Variants in CCDC144A observed in about 807,000 individuals in gnomAD.
The protein encoded by CCDC144A is coiled-coil domain-containing protein 144A.
In CCDC144A, 41 loss-of-function variants were observed where a neutral mutation model predicts 143.8. The ratio of observed to expected loss-of-function variants is 0.29; its 90% CI spans 0.22 to 0.37. The LOEUF (loss-of-function observed/expected upper bound fraction) is 0.37. CCDC144A is among the 10% of genes least tolerant of loss of function. CCDC144A has a pLI of 1.00. For synonymous variants in CCDC144A, 242 were observed against 517.9 expected (o/e 0.47, Z 7.23); for missense variants, 637 against 1,488.8 (o/e 0.43, Z 9.41).
the CCDC144A span, chr17:16,683,864 G>A: frequency 2.2e-6 from 3 of 1,393,880 alleles, no homozygotes; most frequent in Admixed American, 1.7e-5. Context: ...TTCCTACATG[G>A]GAGACTTCGT....
At chr17:16,700,730 G>T (rs1367532725) in intron 2 of CCDC144A, among the ~76,000 whole-genome samples, 3 of 152,064 alleles carry the variant, frequency 2.0e-5, no homozygotes, top group African/African-American at 7.2e-5. Context: ...TAAATAGCAA[G>T]GCTGCTTACA....
chr17:16,703,767 C>T (rs1042077619), intron 2 of CCDC144A, among the ~76,000 whole-genome samples: 54 of 152,144 alleles, frequency 3.5e-4, no homozygotes, highest in African/African-American at 1.3e-3. Context: ...CGCGCCACTG[C>T]ACTCCAGGCT....
rs1916035616 is a variant in CCDC144A, at chr17:16,777,302, A to G, written c.*3669A>G. 2 of 151,808 alleles carry G rather than the reference A, an allele frequency of 1.3e-5. No individual in the cohort carries two copies. The highest frequency in any genetic ancestry group is 4.9e-5 in the African/African-American group (2 of 41,214). 9.4% of individuals were successfully genotyped at this position (151,808 alleles called of 1,614,324 possible). On this transcript the variant is annotated 3_prime_UTR_variant, in exon 17 of 17. Transcript: ENST00000399273. ...CTCCGCTGGCAGCACTAGGCAGATCACCAAGACAGAAAGTCAACAAAGAAA... is the reference window on the plus strand; with the variant it reads ...CTCCGCTGGCAGCACTAGGCAGATCGCCAAGACAGAAAGTCAACAAAGAAA...
At position 16,714,318 on chromosome 17, in the gene CCDC144A, T is replaced by C. The variant is rs112428017; in HGVS notation, c.1715+2503T>C. ...TTAATTCCAGACTTCTACACCAACC[T>C]GCCTACTTGACATCTCTGTTTGATT... On this transcript the variant is annotated intron_variant, in intron 6 of 16. Transcript: ENST00000399273. Among the ~76,000 whole-genome samples, 174 of 152,340 alleles carry C rather than the reference T, an allele frequency of 1.1e-3. 1 individual carries two copies. In the Middle Eastern group the frequency reaches 0.024, roughly 21 times the overall value.
chr17:16,773,411 G>C, intron 16 of CCDC144A, 86 bp from the exon 17 acceptor site: 1 of 1,479,402 alleles, frequency 6.8e-7, no homozygotes, highest in Non-Finnish European at 9.0e-7. Flanking sequence ...TCACACCATG[G>C]CACTCCAGCA....
upstream of CCDC144A, among the ~76,000 whole-genome samples, chr17:16,688,067 C>T (rs1358757948): frequency 6.6e-6 from 1 of 151,302 alleles, no homozygotes; most frequent in Non-Finnish European, 1.5e-5. Flanking sequence ...TGTAATATTT[C>T]TAATAAATAT....
intron 8 of CCDC144A, among the ~76,000 whole-genome samples, chr17:16,724,260 G>A (rs1231023745): frequency 6.6e-6 from 1 of 151,972 alleles, no homozygotes; most frequent in Non-Finnish European, 1.5e-5. Context: ...ATTGCAGGCC[G>A]GGTGCAGTGG....
Position 16,694,496 on chromosome 17 carries a change from T to G in CCDC144A, c.415+1447T>G, listed in dbSNP as rs1312669194. ...TACTTGGGAGACTGAGATGGGAGGA[T>G]CGCTTGAGCCTGGGAGTCAAGGCTG... On this transcript the variant is annotated intron_variant, in intron 2 of 16. Transcript: ENST00000399273. Among the ~76,000 whole-genome samples, 5 of 152,104 alleles carry G rather than the reference T, an allele frequency of 3.3e-5. No homozygotes were observed. The East Asian group carries it at 9.7e-4, about 29-fold the overall frequency.
rs899868203 is a variant in CCDC144A at position 16,690,731 on chromosome 17, G to C, written c.331G>C (p.Asp111His). 6.2e-7 allele frequency: 1 copy of C among 1,604,776 alleles called. No individual in the cohort carries two copies. The highest frequency in any genetic ancestry group is 8.5e-7 in the Non-Finnish European group (1 of 1,173,058). The change falls in exon 1 of 17, where the codon GAT becomes CAT. Residue 111 changes from aspartate to histidine, a missense_variant. Coordinates refer to ENST00000399273, the MANE Select transcript of CCDC144A (RefSeq NM_001382000.1). ...TGGAGACACTGGCGTGGACAAGAGG[G>C]ATAGGAAGAAGAGGTAATGGCCAGG... The part of the protein sequence containing the change: ...APGDTGVDKR[D>H]RKKSIQQLVP...
chr17:16,669,951 G>C, the CCDC144A span, among the ~76,000 whole-genome samples: 2 of 152,142 alleles, frequency 1.3e-5, no homozygotes, highest in African/African-American at 2.4e-5. Flanking sequence ...GGGAGGCTGA[G>C]GGGGGTGGAT....
chr17:16,770,569 G>A (rs1207868991), intron 15 of CCDC144A, among the ~76,000 whole-genome samples: 1 of 151,886 alleles, frequency 6.6e-6, no homozygotes, highest in Non-Finnish European at 1.5e-5. Flanking sequence ...AATTGGTTTT[G>A]TGACCTCAGG....
intron 15 of CCDC144A, among the ~76,000 whole-genome samples, chr17:16,771,100 C>T (rs1244560921): frequency 6.6e-6 from 1 of 152,076 alleles, no homozygotes; most frequent in Non-Finnish European, 1.5e-5. Flanking sequence ...TGAGAGAATA[C>T]CTATTCTAAA....
chr17:16,703,611 T>A (rs893215227), intron 2 of CCDC144A, among the ~76,000 whole-genome samples: 85 of 152,312 alleles, frequency 5.6e-4, no homozygotes, highest in African/African-American at 2.0e-3. Flanking sequence ...GAGACCATCC[T>A]GGCTAACACG....
chr17:16,731,362 T>C lies in CCDC144A; in HGVS notation c.2106-438T>C, dbSNP rs549816664. ...TAAATCATTTTTATGACTACACATA[T>C]ACTATTTCATGAAGATGAAAATGCA... On this transcript the variant is annotated intron_variant, in intron 9 of 16. Coordinates refer to ENST00000399273, the MANE Select transcript of CCDC144A (RefSeq NM_001382000.1). 2.9e-3 allele frequency: 604 copies of C among 207,442 alleles called. 7 individuals are homozygous for C. The highest frequency in any genetic ancestry group is 0.014 in the African/African-American group (573 of 41,848). 12.9% of individuals were successfully genotyped at this position (207,442 alleles called of 1,614,324 possible).
intron 6 of CCDC144A, among the ~76,000 whole-genome samples, chr17:16,715,375 G>T (rs1021510854): frequency 6.6e-6 from 1 of 151,282 alleles, no homozygotes; most frequent in Non-Finnish European, 1.5e-5. Flanking sequence ...CTTTTGCCTG[G>T]AAATTATATG....
At chr17:16,690,778 G>C (rs571511477) in intron 1 of CCDC144A, 34 bp downstream of exon 1, 1 of 1,553,078 alleles carries the variant, frequency 6.4e-7, no homozygotes, top group Non-Finnish European at 8.7e-7. Context: ...CCGTCCTGTC[G>C]GGGACACTGG....
intron 6 of CCDC144A, among the ~76,000 whole-genome samples, chr17:16,714,524 C>T (rs1435971133): frequency 2.6e-5 from 4 of 152,162 alleles, no homozygotes; most frequent in African/African-American, 9.7e-5. Flanking sequence ...CACATCTAAT[C>T]TGTCAGCAGA....
Position 16,690,881 on chromosome 17 carries a change from T to C in CCDC144A, c.344+137T>C, listed in dbSNP as rs915570512. The C allele has an allele frequency of 5.2e-5, 37 of 706,036 alleles. 1 individual carries two copies. Among genetic ancestry groups the C allele is most frequent in the Non-Finnish European group, 8.2e-5 (34 of 416,070 alleles). The allele number at this position is 706,036 out of a possible 1,614,324, so 43.7% of individuals were successfully genotyped here. A position where few individuals can be genotyped will look rare whatever the true frequency, so the allele number is the denominator to read the frequency against. On this transcript the variant is annotated intron_variant, in intron 1 of 16. Transcript: ENST00000399273. ...CCTCTTAGTGAGACGGGATCAAATA[T>C]AAAGGATTATTACTATTGCAAAAGT...
the CCDC144A span, among the ~76,000 whole-genome samples, chr17:16,682,447 G>C: frequency 6.6e-6 from 1 of 151,978 alleles, no homozygotes; most frequent in African/African-American, 2.4e-5. Context: ...GAAGTCAGAC[G>C]GTGCTGGGTG....
Sources: allele counts gnomAD v4.1 joint callset (sites outside exome capture counted in the v4.1 genomes callset), GRCh38; gene constraint gnomAD v4.1.1; transcripts MANE v1.5; gene names NCBI Gene and HGNC (gene_info 2026-07-23, HGNC 2026-07-21).